The following EBF2 variants were observed in gnomAD, a reference collection of about 807,000 sequenced individuals.
EBF2 encodes transcription factor COE2.
A neutral mutation model predicts 72.8 loss-of-function variants in EBF2; 21 were observed. The ratio of observed to expected loss-of-function variants is 0.29; its 90% CI spans 0.20 to 0.42. The LOEUF (loss-of-function observed/expected upper bound fraction) is 0.42. Among genes scored for constraint, EBF2 ranks in the 10% least tolerant of loss-of-function variants. EBF2 has a pLI of 1.00. For missense variants in EBF2, 637 were observed against 731.2 expected (o/e 0.87, Z 1.49); for synonymous variants, 299 against 274.2 (o/e 1.09, Z -0.89).
chr8:26,021,313 T>A (rs1211217327), intron 6 of EBF2, among the ~76,000 whole-genome samples: 1 of 152,188 alleles, frequency 6.6e-6, no homozygotes, highest in Non-Finnish European at 1.5e-5. Flanking sequence ...TGTCTGCCTT[T>A]TAAGTGAATC....
rs181112930 is a variant in EBF2, at chr8:25,942,989, C to A, written c.552-34434G>T. Among the ~76,000 whole-genome samples, 11 of 152,246 alleles carry A rather than the reference C, an allele frequency of 7.2e-5. No homozygotes were observed. The East Asian group carries it at 1.7e-3, about 24-fold the overall frequency. On this transcript the variant is annotated intron_variant, in intron 6 of 15. Transcript: ENST00000520164. ...GAGCTCAGGATTTCCCTCCGTGAAACCTATGTGAAAACTAGAGCTTATTCT... is the reference window on the plus strand; with the variant it reads ...GAGCTCAGGATTTCCCTCCGTGAAAACTATGTGAAAACTAGAGCTTATTCT...
At chr8:25,950,267 T>C (rs553472284) in intron 6 of EBF2, among the ~76,000 whole-genome samples, 1 of 152,344 alleles carries the variant, frequency 6.6e-6, no homozygotes, top group East Asian at 1.9e-4. Flanking sequence ...AATTCCATAT[T>C]TTCCTAAAAC....
At chr8:26,028,865 T>C (rs575747699) in intron 6 of EBF2, among the ~76,000 whole-genome samples, 8 of 152,332 alleles carry the variant, frequency 5.3e-5, no homozygotes, top group South Asian at 4.1e-4. Context: ...ATGGGGACTT[T>C]GGATTTCTAC....
intron 10 of EBF2, among the ~76,000 whole-genome samples, chr8:25,874,786 A>C (rs1486762462): frequency 6.6e-6 from 1 of 151,670 alleles, no homozygotes; most frequent in Admixed American, 6.6e-5. Context: ...CCTGGGCTCA[A>C]GCGTTTCTCC....
At chr8:26,004,548 G>T (rs1393255923) in intron 6 of EBF2, among the ~76,000 whole-genome samples, 1 of 151,698 alleles carries the variant, frequency 6.6e-6, no homozygotes, top group Non-Finnish European at 1.5e-5. Context: ...GGTGGCATAC[G>T]CCTGTAGTCC....
intron 7 of EBF2, among the ~76,000 whole-genome samples, chr8:25,891,654 T>C (rs1297434788): frequency 6.6e-6 from 1 of 151,536 alleles, no homozygotes; most frequent in Non-Finnish European, 1.5e-5. Context: ...CTTAGCTTAC[T>C]GCAACCCCCA....
intron 6 of EBF2, among the ~76,000 whole-genome samples, chr8:25,943,600 A>T (rs1253490397): frequency 6.6e-6 from 1 of 152,148 alleles, no homozygotes; most frequent in Non-Finnish European, 1.5e-5. Flanking sequence ...CCCTGCTAGC[A>T]CAGAATCTTG....
rs1406912212 is a variant in EBF2 at position 26,040,859 on chromosome 8, G to A, written c.352+80C>T. The A allele has an allele frequency of 1.9e-6, 3 of 1,590,416 alleles. No homozygotes were observed. In the African/African-American group the frequency reaches 4.0e-5, roughly 21 times the overall value. ...CCTGGGCTCCATGCGATCCCTGAGA[G>A]TGATCATGGCAAGGTCAGCGCGTGC... is the stretch of plus-strand genomic sequence containing the variant. On this transcript the variant is annotated intron_variant, in intron 3 of 15. Coordinates refer to ENST00000520164, the MANE Select transcript of EBF2 (RefSeq NM_022659.4).
At chr8:25,907,924 A>G (rs1803065622) in intron 7 of EBF2, among the ~76,000 whole-genome samples, 1 of 152,134 alleles carries the variant, frequency 6.6e-6, no homozygotes, top group Non-Finnish European at 1.5e-5. Context: ...TCCTCAGTAC[A>G]TCAGTGGCAA....
chr8:25,907,947 C>T (rs1376119498), intron 7 of EBF2, among the ~76,000 whole-genome samples: 1 of 152,088 alleles, frequency 6.6e-6, no homozygotes, highest in Non-Finnish European at 1.5e-5. Flanking sequence ...GTGATGAAAC[C>T]GGTGGCAGAT....
At position 26,010,560 on chromosome 8, in the gene EBF2, C is replaced by CG. The variant is rs1192052518; in HGVS notation, c.551+22524dup. Among the ~76,000 whole-genome samples, 4 of 152,202 alleles carry CG rather than the reference C, an allele frequency of 2.6e-5. No homozygotes were observed. The East Asian group carries it at 7.7e-4, about 29-fold the overall frequency. On this transcript the variant is annotated intron_variant, in intron 6 of 15. Coordinates refer to ENST00000520164, the MANE Select transcript of EBF2 (RefSeq NM_022659.4). ...CCCGTTCCCGGCAGAAAATACCCAGCGACGCGCAGCTGAGCACCGAGAGGA... is the reference window on the plus strand; with the variant it reads ...CCCGTTCCCGGCAGAAAATACCCAGCGGACGCGCAGCTGAGCACCGAGAGGA...
rs547461942 is a variant in EBF2, at chr8:25,911,526, A to G, written c.552-2971T>C. Among the ~76,000 whole-genome samples, 26 of 152,278 alleles carry G rather than the reference A, an allele frequency of 1.7e-4. 1 individual carries two copies. In the South Asian group the frequency reaches 5.2e-3, roughly 30 times the overall value. On this transcript the variant is annotated intron_variant, in intron 6 of 15. Coordinates refer to ENST00000520164, the MANE Select transcript of EBF2 (RefSeq NM_022659.4). ...ACCAGAGCATTCCTTTACTCTACAGATCCATTGGAAATGCCCCAAGGGTTA... is the reference window on the plus strand; with the variant it reads ...ACCAGAGCATTCCTTTACTCTACAGGTCCATTGGAAATGCCCCAAGGGTTA...
chr8:25,906,450 G>C (rs1483016274), intron 7 of EBF2, among the ~76,000 whole-genome samples: 1 of 152,090 alleles, frequency 6.6e-6, no homozygotes, highest in Admixed American at 6.6e-5. Context: ...AAGAAGGCTG[G>C]TTTTATTTCT....
intron 6 of EBF2, among the ~76,000 whole-genome samples, chr8:26,005,532 T>TTTATA (rs1452680820): frequency 6.2e-5 from 4 of 64,770 alleles, no homozygotes; most frequent in South Asian, 1.0e-3. Context: ...TATTATATAT[T>TTTATA]ATATATATTT....
In EBF2 at chr8:26,045,020, C is replaced by G; in HGVS notation, c.-161G>C. 1 of 779,034 alleles carries G rather than the reference C, an allele frequency of 1.3e-6. No homozygotes were observed. The highest frequency in any genetic ancestry group is 2.8e-5 in the East Asian group (1 of 36,010). The allele number at this position is 779,034 out of a possible 1,614,324, so 48.3% of individuals were successfully genotyped here. A position where few individuals can be genotyped will look rare whatever the true frequency, so the allele number is the denominator to read the frequency against. On this transcript the variant is annotated 5_prime_UTR_variant, in exon 1 of 16. Transcript: ENST00000520164. ...TAGAAAAAAAAAAAAGATAACCCGT[C>G]CTTTGCTTCACTGGCGAGGTGCGGA...
At chr8:25,932,417 A>G (rs1255243111) in intron 6 of EBF2, among the ~76,000 whole-genome samples, 2 of 151,136 alleles carry the variant, frequency 1.3e-5, no homozygotes, top group Non-Finnish European at 2.9e-5. Flanking sequence ...ACGGGATGCT[A>G]CTGAATCTGG....
chr8:25,987,866 C>T (rs1804485198), intron 6 of EBF2, among the ~76,000 whole-genome samples: 1 of 152,048 alleles, frequency 6.6e-6, no homozygotes. Flanking sequence ...GACACACAAC[C>T]ACACAGGTAT....
intron 6 of EBF2, among the ~76,000 whole-genome samples, chr8:25,949,764 A>G (rs1803828145): frequency 6.6e-6 from 1 of 152,246 alleles, no homozygotes; most frequent in South Asian, 2.1e-4. Context: ...AAGGAGAGAC[A>G]GGTGCCCTGA....
chr8:25,850,771 A>T lies in EBF2; in HGVS notation c.1529-10T>A. The T allele has an allele frequency of 6.4e-7, 1 of 1,555,504 alleles. No homozygotes were observed. The highest frequency in any genetic ancestry group is 8.6e-7 in the Non-Finnish European group (1 of 1,158,952). On this transcript the variant is annotated splice_polypyrimidine_tract_variant and intron_variant, in intron 14 of 15. Coordinates refer to ENST00000520164, the MANE Select transcript of EBF2 (RefSeq NM_022659.4). ...GGACTTGATGACATGACTGGAAAGC[A>T]AATGCACAATCCTCATTTAGAAATT... is the stretch of plus-strand genomic sequence containing the variant.
Sources: gnomAD v4.1 joint callset for allele counts (sites outside exome capture counted in the v4.1 genomes callset) on GRCh38, gnomAD v4.1.1 for gene constraint, MANE v1.5 for transcripts, NCBI Gene and HGNC (gene_info 2026-07-23, HGNC 2026-07-21) for gene names.